Variants in MORF4L1 observed in about 807,000 individuals in gnomAD.
The protein encoded by MORF4L1 is mortality factor 4-like protein 1.
Under a neutral mutation model 52.9 loss-of-function variants are expected in MORF4L1, and 4 were observed. The ratio of observed to expected loss-of-function variants is 0.08; its 90% CI spans 0.04 to 0.17. The LOEUF (loss-of-function observed/expected upper bound fraction) is 0.17, where lower values mean the gene tolerates loss of function less well. Ranked by LOEUF, MORF4L1 falls within the 10% of genes least tolerant of loss-of-function variation. The pLI, the probability that MORF4L1 is intolerant of heterozygous loss-of-function variation, is 1.00. For synonymous variants in MORF4L1, 123 were observed against 134.8 expected (o/e 0.91, Z 0.61); for missense variants, 214 against 390.4 (o/e 0.55, Z 3.81).
At position 78,886,441 on chromosome 15, in the gene MORF4L1, C is replaced by T. The variant is rs557087289; in HGVS notation, c.242+214C>T. The T allele has an allele frequency of 1.8e-5, 10 of 554,142 alleles. No individual in the cohort carries two copies. In the South Asian group the frequency reaches 2.4e-4, roughly 13 times the overall value. The allele number at this position is 554,142 out of a possible 1,614,324, so 34.3% of individuals were successfully genotyped here. On this transcript the variant is annotated intron_variant, in intron 4 of 11. Coordinates refer to ENST00000426013, the MANE Select transcript of MORF4L1 (RefSeq NM_006791.4). ...GCCATTACTTGAGCTTATCTTAGAC[C>T]TAGGTAGAAAACAGCAGAATGTTGT...
intron 2 of MORF4L1, among the ~76,000 whole-genome samples, chr15:78,879,357 G>A (rs1287995066): frequency 2.6e-5 from 4 of 152,082 alleles, no homozygotes; most frequent in Non-Finnish European, 5.9e-5. Context: ...GAGTAGCTGG[G>A]ATTACAGGCA....
intron 1 of MORF4L1, among the ~76,000 whole-genome samples, chr15:78,875,390 T>C: frequency 6.6e-6 from 1 of 152,212 alleles, no homozygotes; most frequent in East Asian, 1.9e-4. Context: ...TTGAAAGCTG[T>C]GTAAGAGAGT....
At chr15:78,882,520 G>A (rs984492935) in intron 3 of MORF4L1, among the ~76,000 whole-genome samples, 4 of 152,186 alleles carry the variant, frequency 2.6e-5, no homozygotes, top group African/African-American at 4.8e-5. Flanking sequence ...GACTCCTAGT[G>A]TATCTCATAG....
In MORF4L1 at chr15:78,878,256, A is replaced by G; in HGVS notation, c.84A>G (p.Ala28=). The G allele has an allele frequency of 6.2e-7, 1 of 1,611,408 alleles. No individual in the cohort carries two copies. Among genetic ancestry groups the G allele is most frequent in the Non-Finnish European group, 8.5e-7 (1 of 1,179,418 alleles). Residue 28 remains alanine, a synonymous_variant, in exon 2 of 12, where the codon GCA becomes GCG. Coordinates refer to ENST00000426013, the MANE Select transcript of MORF4L1 (RefSeq NM_006791.4). ...LCFHGPLLYE[A]KCVKVAIKDK... ...TTCATGGGCCTCTTCTTTATGAAGC[A>G]AAGGTATGAAACTTGTTTTCTTTTG...
chr15:78,883,087 C>T (rs1047427097), intron 3 of MORF4L1, among the ~76,000 whole-genome samples: 5 of 151,626 alleles, frequency 3.3e-5, no homozygotes, highest in African/African-American at 9.7e-5. Context: ...TGGTGGCACA[C>T]GACTGTAGTC....
chr15:78,891,161 C>T, intron 6 of MORF4L1, 147 bp downstream of exon 6: 2 of 1,043,246 alleles, frequency 1.9e-6, no homozygotes, highest in South Asian at 1.5e-5. Flanking sequence ...AAAATAGGTA[C>T]ATGGTGGTAG....
chr15:78,888,117 TAAG>T (rs149573978), intron 5 of MORF4L1, among the ~76,000 whole-genome samples: 4,293 of 152,314 alleles, frequency 0.028, 127 homozygotes, highest in East Asian at 0.14. Context: ...GAACATCTGA[TAAG>T]AAGCCTAGAG....
At chr15:78,874,841 T>A (rs1567296189) in intron 1 of MORF4L1, among the ~76,000 whole-genome samples, 2 of 151,188 alleles carry the variant, frequency 1.3e-5, no homozygotes, top group Admixed American at 6.6e-5. Flanking sequence ...CTAGAGTCAG[T>A]GCATTAATTG....
chr15:78,888,435 C>T (rs2056743737), intron 5 of MORF4L1, among the ~76,000 whole-genome samples: 2 of 150,562 alleles, frequency 1.3e-5, no homozygotes, highest in South Asian at 4.2e-4. Flanking sequence ...TGAGTGAGAT[C>T]CTGTCTTTTA....
At chr15:78,883,728 GATAA>G (rs1226463363) in intron 3 of MORF4L1, among the ~76,000 whole-genome samples, 1 of 152,182 alleles carries the variant, frequency 6.6e-6, no homozygotes, top group Non-Finnish European at 1.5e-5. Flanking sequence ...TTGGCATGTA[GATAA>G]ATATATGCAA....
Position 78,887,198 on chromosome 15 carries a change from A to T in MORF4L1, c.243-71A>T. On this transcript the variant is annotated intron_variant, in intron 4 of 11. Coordinates refer to ENST00000426013, the MANE Select transcript of MORF4L1 (RefSeq NM_006791.4). ...GAATTTGAATGTAAATTCCTAATGG[A>T]ATCAGGCTGACAATTTTTTTTTCAC... The T allele has an allele frequency of 3.1e-6, 4 of 1,298,500 alleles. No homozygotes were observed. In the South Asian group the frequency reaches 5.3e-5, roughly 17 times the overall value. The allele number at this position is 1,298,500 out of a possible 1,614,324, so 80.4% of individuals were successfully genotyped here. A position where few individuals can be genotyped will look rare whatever the true frequency, so the allele number is the denominator to read the frequency against.
At chr15:78,894,742 T>A in intron 10 of MORF4L1, 78 bp from the exon 11 acceptor site, 2 of 1,090,972 alleles carry the variant, frequency 1.8e-6, no homozygotes, top group Non-Finnish European at 2.8e-6. Flanking sequence ...TGGTGGTGTT[T>A]GCTCACATAA....
chr15:78,886,536 G>C lies in MORF4L1; in HGVS notation c.242+309G>C, dbSNP rs1398455789. 3 of 278,284 alleles carry C rather than the reference G, an allele frequency of 1.1e-5. No homozygotes were observed. In the Admixed American group the frequency reaches 1.4e-4, roughly 13 times the overall value. The allele number at this position is 278,284 out of a possible 1,614,324, so 17.2% of individuals were successfully genotyped here. A position where few individuals can be genotyped will look rare whatever the true frequency, so the allele number is the denominator to read the frequency against. On this transcript the variant is annotated intron_variant, in intron 4 of 11. Transcript: ENST00000426013. The stretch of plus-strand genomic sequence containing the variant: ...TTCGGGGGCTCTGGAAGACAAATTT[G>C]GTGGGGAAACAAGCAAACGAGGCAT...
chr15:78,896,579 A>G (rs1172408723), intron 11 of MORF4L1, among the ~76,000 whole-genome samples: 1 of 151,812 alleles, frequency 6.6e-6, no homozygotes, highest in Non-Finnish European at 1.5e-5. Context: ...AAGTGCTGGG[A>G]TTACAGGCAT....
At chr15:78,890,847 G>T in intron 5 of MORF4L1, 142 bp from the exon 6 acceptor site, 1 of 715,080 alleles carries the variant, frequency 1.4e-6, no homozygotes, top group Non-Finnish European at 1.9e-6. Flanking sequence ...AAAAATCCTT[G>T]TGTCTGAGTA....
intron 1 of MORF4L1, among the ~76,000 whole-genome samples, chr15:78,874,579 CTTTCTTTTTTTT>C (rs1318083252): frequency 1.0e-5 from 1 of 97,698 alleles, no homozygotes; most frequent in African/African-American, 4.2e-5. Context: ...TTTTCTTTTT[CTTTCTTTTTTTT>C]TTTTTTTTTT....
At position 78,881,189 on chromosome 15, in the gene MORF4L1, C is replaced by CTTTTTTTTTTT. The variant is rs570514618; in HGVS notation, c.155+619_155+629dup. ...AATTTCTCACCCCTAAGAGTTAAGC[C>CTTTTTTTTTTT]TTTTTTTTTTTTTTTTTTTGAGAGA... On this transcript the variant is annotated intron_variant, in intron 3 of 11. Coordinates refer to ENST00000426013, the MANE Select transcript of MORF4L1 (RefSeq NM_006791.4). 0.013 allele frequency among the ~76,000 whole-genome samples: 897 copies of CTTTTTTTTTTT among 67,144 alleles called. 139 individuals carry two copies. In the East Asian group the frequency reaches 0.19, roughly 14 times the overall value. The allele number at this position is 67,144 out of a possible 152,430, so 44.0% of individuals were successfully genotyped here.
At position 78,892,229 on chromosome 15, in the gene MORF4L1, C is replaced by T; in HGVS notation, c.456C>T (p.Asn152=). ...PTVENEETFM[N]RVEVKVKIPE... ...CTGTTTAGGAGGAAACATTCATGAA[C>T]AGAGTTGAAGTTAAAGTAAAGATTC... The change falls in exon 8 of 12, where the codon AAC becomes AAT. Residue 152 remains asparagine (N), a synonymous_variant. Coordinates refer to ENST00000426013, the MANE Select transcript of MORF4L1 (RefSeq NM_006791.4). 1 of 1,611,938 alleles carries T rather than the reference C, an allele frequency of 6.2e-7. No individual in the cohort carries two copies. Among genetic ancestry groups the T allele is most frequent in the Non-Finnish European group, 8.5e-7 (1 of 1,178,924 alleles).
At chr15:78,894,593 G>T (rs1254509695) in intron 10 of MORF4L1, 6 of 493,154 alleles carry the variant, frequency 1.2e-5, no homozygotes, top group African/African-American at 1.9e-5. Context: ...ATTTTCTGTA[G>T]AGATGGGGTT....
Sources: gnomAD v4.1 joint callset for allele counts (sites outside exome capture counted in the v4.1 genomes callset) on GRCh38, gnomAD v4.1.1 for gene constraint, MANE v1.5 for transcripts, NCBI Gene and HGNC (gene_info 2026-07-23, HGNC 2026-07-21) for gene names.